The following ZNF469 variants were observed in gnomAD, a reference collection of about 807,000 sequenced individuals.
ZNF469 encodes the protein zinc finger protein 469.
ZNF469 carries 1 observed loss-of-function variant against 1.0 expected under a neutral mutation model. The observed-to-expected ratio is 1.00, with a 90% CI of 0.35 to 4.73. The LOEUF (loss-of-function observed/expected upper bound fraction) is 4.73. Ranked by LOEUF, ZNF469 falls within the 30% of genes most tolerant of loss-of-function variation. The pLI is 0.16. For synonymous variants in ZNF469, 2,703 were observed against 2,363.4 expected, an observed-to-expected ratio of 1.14 and a Z score of -4.17; for missense variants, 6,100 against 5,356.3, an observed-to-expected ratio of 1.14 and a Z score of -4.33.
the ZNF469 span, among the ~76,000 whole-genome samples, chr16:88,288,854 G>C: frequency 6.6e-6 from 1 of 152,106 alleles, no homozygotes; most frequent in Non-Finnish European, 1.5e-5. Context: ...TCACAGGAGA[G>C]AGAGAGAGAG....
the ZNF469 span, among the ~76,000 whole-genome samples, chr16:88,210,648 A>C: frequency 7.2e-5 from 11 of 152,268 alleles, no homozygotes; most frequent in East Asian, 1.9e-3. Context: ...CTAAACAGCT[A>C]ACCAGTTGTC....
chr16:88,128,442 A>G, the ZNF469 span, among the ~76,000 whole-genome samples: 39 of 152,106 alleles, frequency 2.6e-4, 1 homozygote, highest in East Asian at 1.4e-3. Flanking sequence ...TGCTGTTCTC[A>G]CCCTCCAACC....
chr16:88,187,315 C>G, the ZNF469 span, among the ~76,000 whole-genome samples: 1 of 152,226 alleles, frequency 6.6e-6, no homozygotes, highest in Admixed American at 6.5e-5. Context: ...AGCACCTGCC[C>G]AGGTGTGTGA....
intron 1 of ZNF469, among the ~76,000 whole-genome samples, chr16:88,402,759 G>C (rs1365155730): frequency 6.6e-6 from 1 of 152,186 alleles, no homozygotes; most frequent in Admixed American, 6.5e-5. Context: ...TATTCCTCCG[G>C]TTCCAGGGCC....
Position 88,431,214 on chromosome 16 carries a change from T to G in ZNF469, c.3744T>G (p.Pro1248=). The G allele has an allele frequency of 6.5e-7, 1 of 1,550,290 alleles. No individual in the cohort carries two copies. Among genetic ancestry groups the G allele is most frequent in the Non-Finnish European group, 8.7e-7 (1 of 1,146,956 alleles). The change falls in exon 3 of 3, where the codon CCT becomes CCG. Residue 1248 remains proline, a synonymous_variant. Transcript: ENST00000565624. ...STEFTEALRS[P]PAACAGEMGA... ...AATTCACAGAGGCTTTGCGTTCTCC[T>G]CCAGCCGCCTGTGCGGGAGAAATGG... is the stretch of plus-strand genomic sequence containing the variant.
At chr16:88,397,463 T>C (rs1904717442) in intron 1 of ZNF469, among the ~76,000 whole-genome samples, 1 of 132,674 alleles carries the variant, frequency 7.5e-6, no homozygotes, top group African/African-American at 3.1e-5. Context: ...AGGAGATCGA[T>C]GGAGCTGGCA....
In ZNF469 at chr16:88,430,282, G is replaced by A. The variant is rs760409743; in HGVS notation, c.2812G>A (p.Ala938Thr). ...SLGLAPTEAD[A>T]PSQGRQQRRG... ...GGGTCTGGCCCCCACCGAGGCGGAT[G>A]CGCCCAGCCAGGGCAGGCAGCAGAG... Residue 938 changes from alanine (A) to threonine (T), a missense_variant, in exon 3 of 3, where the codon GCG becomes ACG. Transcript: ENST00000565624. The A allele has an allele frequency of 1.3e-4, 198 of 1,514,624 alleles. No individual in the cohort carries two copies. The highest frequency in any genetic ancestry group is 1.6e-4 in the Non-Finnish European group (181 of 1,133,356). The allele number at this position is 1,514,624 out of a possible 1,614,324, so 93.8% of individuals were successfully genotyped here.
the ZNF469 span, among the ~76,000 whole-genome samples, chr16:88,324,228 C>T: frequency 9.9e-5 from 15 of 152,244 alleles, no homozygotes; most frequent in African/African-American, 1.9e-4. Context: ...AGTTTCGGAC[C>T]GCCAGCCCTG....
the ZNF469 span, among the ~76,000 whole-genome samples, chr16:88,360,956 C>G: frequency 2.6e-5 from 4 of 152,336 alleles, no homozygotes; most frequent in African/African-American, 9.6e-5. Context: ...AAGCACATTA[C>G]TTTTATTGTG....
At chr16:88,243,327 C>T in the ZNF469 span, among the ~76,000 whole-genome samples, 1 of 152,190 alleles carries the variant, frequency 6.6e-6, no homozygotes, top group African/African-American at 2.4e-5. Context: ...TGAGCTCTTC[C>T]ATGGTCATAC....
rs966804400 is a variant in ZNF469 at position 88,431,586 on chromosome 16, G to A, written c.4116G>A (p.Gly1372=). 6.5e-7 allele frequency: 1 copy of A among 1,550,342 alleles called. No individual in the cohort carries two copies. Among genetic ancestry groups the A allele is most frequent in the African/African-American group, 1.4e-5 (1 of 73,064 alleles). ...TGGGGGTTCCAGTTGCCAAAAAGGG[G>A]CCTCAGCCCTACAGCAGCCCCCACA... ...DPLGVPVAKK[G]PQPYSSPHSE... is the part of the protein sequence containing the mutation. Residue 1372 remains glycine (G), a synonymous_variant, in exon 3 of 3, where the codon GGG becomes GGA. Coordinates refer to ENST00000565624, the MANE Select transcript of ZNF469 (RefSeq NM_001367624.2).
At chr16:88,242,858 G>A in the ZNF469 span, among the ~76,000 whole-genome samples, 56 of 152,340 alleles carry the variant, frequency 3.7e-4, no homozygotes, top group East Asian at 6.0e-3. Context: ...CCTGGAGCAC[G>A]CATTCACCCC....
the ZNF469 span, among the ~76,000 whole-genome samples, chr16:88,335,786 ACG>A: frequency 6.6e-6 from 1 of 152,164 alleles, no homozygotes; most frequent in East Asian, 1.9e-4. Context: ...TGCCAATACC[ACG>A]CACATTCGTC....
the ZNF469 span, among the ~76,000 whole-genome samples, chr16:88,179,525 G>A: frequency 2.1e-3 from 325 of 152,276 alleles, 4 homozygotes; most frequent in South Asian, 0.045. Context: ...GAAGTTGCCC[G>A]GCCCCAGGTG....
intron 1 of ZNF469, among the ~76,000 whole-genome samples, chr16:88,390,272 A>C (rs4072333): frequency 0.59 from 89,717 of 151,922 alleles, 27,044 homozygotes; most frequent in African/African-American, 0.7. Flanking sequence ...CACCTTCCCC[A>C]GTTCTGGATA....
At chr16:88,406,779 A>G (rs1905038905) in intron 1 of ZNF469, among the ~76,000 whole-genome samples, 1 of 152,094 alleles carries the variant, frequency 6.6e-6, no homozygotes, top group African/African-American at 2.4e-5. Flanking sequence ...TTTTTTACAA[A>G]GATGGGGTTG....
At chr16:88,377,725 C>T in the ZNF469 span, among the ~76,000 whole-genome samples, 2 of 152,118 alleles carry the variant, frequency 1.3e-5, no homozygotes, top group Admixed American at 6.5e-5. Flanking sequence ...TTTCCAAAGC[C>T]TTCCCCCTGT....
chr16:88,396,895 G>A (rs1340814582), intron 1 of ZNF469, among the ~76,000 whole-genome samples: 1 of 148,250 alleles, frequency 6.7e-6, no homozygotes, highest in Admixed American at 6.7e-5. Flanking sequence ...GAGGCCGGGT[G>A]GAGACCCTCA....
the ZNF469 span, among the ~76,000 whole-genome samples, chr16:88,124,948 A>C: frequency 6.6e-6 from 1 of 152,242 alleles, no homozygotes; most frequent in Non-Finnish European, 1.5e-5. Flanking sequence ...GTCCTATCCA[A>C]AAAAATTTGT....
Sources: allele counts gnomAD v4.1 joint callset (sites outside exome capture counted in the v4.1 genomes callset), GRCh38; gene constraint gnomAD v4.1.1; transcripts MANE v1.5; gene names NCBI Gene and HGNC (gene_info 2026-07-23, HGNC 2026-07-21).